Variants in ZNF423 observed in about 807,000 individuals in gnomAD.
The protein encoded by ZNF423 is Ebf-associated zinc finger protein.
In ZNF423, 12 loss-of-function variants were observed where a neutral mutation model predicts 95.8. That is an observed-to-expected ratio of 0.13 (90% CI 0.08 to 0.20). The LOEUF (loss-of-function observed/expected upper bound fraction) is 0.20, where lower values mean the gene tolerates loss of function less well. Ranked by LOEUF, ZNF423 falls within the 10% of genes least tolerant of loss-of-function variation. The pLI, the probability that ZNF423 is intolerant of heterozygous loss-of-function variation, is 1.00. For synonymous variants in ZNF423, 749 were observed against 711.9 expected (o/e 1.05, Z -0.83); for missense variants, 1,316 against 1,737.1 (o/e 0.76, Z 4.31).
At position 49,644,456 on chromosome 16, in the gene ZNF423, AC is replaced by A. The variant is rs1973095230; in HGVS notation, c.302-5583del. Among the ~76,000 whole-genome samples, 3 of 150,722 alleles carry A rather than the reference AC, an allele frequency of 2.0e-5. No homozygotes were observed. The South Asian group carries it at 6.3e-4, about 32-fold the overall frequency. On this transcript the variant is annotated intron_variant, in intron 3 of 7. Transcript: ENST00000563137. Reference sequence around the variant, plus strand: ...GATCGTTTGAGGTCAGGAGTTTGAGACCAGTCTGAGCAATATAGCAAGACCC... The same window carrying A: ...GATCGTTTGAGGTCAGGAGTTTGAGACAGTCTGAGCAATATAGCAAGACCC...
intron 5 of ZNF423, among the ~76,000 whole-genome samples, chr16:49,580,580 G>C (rs756313822): frequency 4.6e-5 from 7 of 152,162 alleles, no homozygotes; most frequent in Admixed American, 6.5e-5. Flanking sequence ...GATGAAGAAA[G>C]GAGAGCTTTG....
chr16:49,764,859 G>A (rs1489262746), intron 2 of ZNF423, among the ~76,000 whole-genome samples: 1 of 151,248 alleles, frequency 6.6e-6, no homozygotes, highest in East Asian at 1.9e-4. Flanking sequence ...CAATTCTCCT[G>A]CCTCAGCCTC....
intron 1 of ZNF423, among the ~76,000 whole-genome samples, chr16:49,828,766 C>T (rs1360700589): frequency 6.6e-6 from 1 of 152,206 alleles, no homozygotes; most frequent in East Asian, 1.9e-4. Context: ...CCCACGCACA[C>T]GCAGAAAGGC....
intron 1 of ZNF423, among the ~76,000 whole-genome samples, chr16:49,800,590 AC>A: frequency 6.6e-6 from 1 of 152,126 alleles, no homozygotes; most frequent in Non-Finnish European, 1.5e-5. Context: ...ACACACACAC[AC>A]ACACACACTC....
chr16:49,537,869 T>C (rs1251058635), intron 5 of ZNF423, among the ~76,000 whole-genome samples: 1 of 152,176 alleles, frequency 6.6e-6, no homozygotes, highest in Non-Finnish European at 1.5e-5. Context: ...CTCCCAGAGC[T>C]GAGCCCTCCC....
At chr16:49,816,938 C>A (rs1241098813) in intron 1 of ZNF423, among the ~76,000 whole-genome samples, 2 of 152,156 alleles carry the variant, frequency 1.3e-5, no homozygotes, top group East Asian at 3.8e-4. Flanking sequence ...GCTCAAGGCA[C>A]CATCCCAAGT....
chr16:49,534,278 G>A (rs1185125054), intron 5 of ZNF423, among the ~76,000 whole-genome samples: 9 of 147,794 alleles, frequency 6.1e-5, no homozygotes, highest in Non-Finnish European at 1.0e-4. Context: ...TTTTGAGACC[G>A]AGTTTCACTC....
intron 2 of ZNF423, among the ~76,000 whole-genome samples, chr16:49,749,954 A>C (rs2033602000): frequency 6.6e-6 from 1 of 152,178 alleles, no homozygotes; most frequent in Non-Finnish European, 1.5e-5. Context: ...CATTGCTGCC[A>C]TCCACTCTCC....
At chr16:49,655,329 G>A (rs2029866192) in intron 3 of ZNF423, among the ~76,000 whole-genome samples, 1 of 152,098 alleles carries the variant, frequency 6.6e-6, no homozygotes, top group African/African-American at 2.4e-5. Flanking sequence ...GTGGGATCTG[G>A]ACTCCCCAGC....
rs1555512914 is a variant in ZNF423, at chr16:49,620,162, C to CA, written c.3601+6007_3601+6008insT. Among the ~76,000 whole-genome samples the CA allele has an allele frequency of 3.0e-4, 44 of 147,150 alleles. No homozygotes were observed. In the East Asian group the frequency reaches 7.3e-3, roughly 24 times the overall value. On this transcript the variant is annotated intron_variant, in intron 5 of 7. Coordinates refer to ENST00000563137, the MANE Select transcript of ZNF423 (RefSeq NM_001379286.1). ...ACACACACACACACACACACACACA[C>CA]CACACACACACAACACACACATACA...
chr16:49,635,859 C>T lies in ZNF423; in HGVS notation c.3317G>A (p.Arg1106His), dbSNP rs147483451. The change falls in exon 4 of 8, where the codon CGC becomes CAC. Residue 1106 changes from arginine to histidine, a missense_variant. Around this residue, in one of 6 missense-constraint regions of ZNF423, gnomAD observed 620 missense variants for 775.6 expected, o/e 0.80. Coordinates refer to ENST00000563137, the MANE Select transcript of ZNF423 (RefSeq NM_001379286.1). This position sits in a 1 kb window ranked among gnomAD's most constrained non-coding sequence, Gnocchi z 4.8. ...PYGLCAGCMA[R>H]SANGQVGGLA... The stretch of plus-strand genomic sequence containing the variant: ...GCCACCCACCTGTCCGTTGGCGCTG[C>T]GGGCCATGCAGCCGGCGCAGAGGCC... The T allele has an allele frequency of 8.8e-6, 14 of 1,592,606 alleles. No homozygotes were observed. The highest frequency in any genetic ancestry group is 1.1e-5 in the Non-Finnish European group (13 of 1,171,578).
At chr16:49,856,199 C>A (rs1345251626), upstream of ZNF423, 3 of 137,308 alleles carry the variant, frequency 2.2e-5, no homozygotes, top group Non-Finnish European at 4.7e-5. Context: ...GCGGCCCCCT[C>A]CTTCCCTCCC....
intron 5 of ZNF423, among the ~76,000 whole-genome samples, chr16:49,574,678 G>A (rs1205014916): frequency 1.3e-5 from 2 of 152,096 alleles, no homozygotes; most frequent in Non-Finnish European, 2.9e-5. Context: ...CCCAATGACA[G>A]GGGCACTCTC....
At chr16:49,646,858 C>T (rs963459368) in intron 3 of ZNF423, among the ~76,000 whole-genome samples, 1 of 152,174 alleles carries the variant, frequency 6.6e-6, no homozygotes, top group Non-Finnish European at 1.5e-5. Context: ...AGGCGTGAGC[C>T]ACCACGCCCA....
At chr16:49,845,075 G>A (rs1403583199) in intron 1 of ZNF423, among the ~76,000 whole-genome samples, 4 of 131,204 alleles carry the variant, frequency 3.0e-5, no homozygotes, top group African/African-American at 1.2e-4. Flanking sequence ...AAATCTTTTA[G>A]ACATAATGAC....
At chr16:49,683,962 T>C (rs1401410813) in intron 3 of ZNF423, among the ~76,000 whole-genome samples, 1 of 152,102 alleles carries the variant, frequency 6.6e-6, no homozygotes, top group Non-Finnish European at 1.5e-5. Context: ...TCCCAGCTAC[T>C]TGGGAGGGTG....
chr16:49,684,628 T>C (rs2031491671), intron 3 of ZNF423, among the ~76,000 whole-genome samples: 1 of 152,180 alleles, frequency 6.6e-6, no homozygotes, highest in East Asian at 1.9e-4. Flanking sequence ...AGGATGTGAG[T>C]GGCCCCAGGA....
intron 5 of ZNF423, among the ~76,000 whole-genome samples, chr16:49,526,963 G>T (rs1014971576): frequency 6.6e-6 from 1 of 152,220 alleles, no homozygotes; most frequent in African/African-American, 2.4e-5. Context: ...CAGCCTCACT[G>T]AAGGCGCCAG....
At chr16:49,678,086 G>A (rs1382622303) in intron 3 of ZNF423, among the ~76,000 whole-genome samples, 2 of 152,074 alleles carry the variant, frequency 1.3e-5, no homozygotes, top group Admixed American at 6.5e-5. Context: ...GGGACTCTGA[G>A]GCAGGATAAT....
Sources: allele counts gnomAD v4.1 joint callset (sites outside exome capture counted in the v4.1 genomes callset), GRCh38; gene constraint gnomAD v4.1.1; regional missense constraint gnomAD v4.1.1; non-coding constraint Gnocchi (gnomAD v3.1); transcripts MANE v1.5; gene names NCBI Gene and HGNC (gene_info 2026-07-23, HGNC 2026-07-21).